Variants in ZNF385D observed in about 807,000 individuals in gnomAD.
The protein encoded by ZNF385D is zinc finger protein 659.
In ZNF385D, 15 loss-of-function variants were observed where a neutral mutation model predicts 35.8. The observed-to-expected ratio is 0.42, with a 90% confidence interval of 0.28 to 0.64. ZNF385D has a LOEUF of 0.64. ZNF385D is among the 30% of genes least tolerant of loss of function. The pLI, the probability that ZNF385D is intolerant of heterozygous loss-of-function variation, is 0.23. For synonymous variants in ZNF385D, 212 were observed against 186.8 expected (o/e 1.13, Z -1.10); for missense variants, 474 against 494.6 (o/e 0.96, Z 0.39).
At chr3:21,607,501 T>C (rs2064518489) in intron 2 of ZNF385D, among the ~76,000 whole-genome samples, 1 of 152,210 alleles carries the variant, frequency 6.6e-6, no homozygotes, top group Non-Finnish European at 1.5e-5. Context: ...ATCAAGTTTA[T>C]CCACAGAGAA....
intron 3 of ZNF385D, among the ~76,000 whole-genome samples, chr3:21,966,506 T>C (rs1180879613): frequency 6.6e-6 from 1 of 152,212 alleles, no homozygotes; most frequent in Non-Finnish European, 1.5e-5. Context: ...AATTGTTCAC[T>C]GTATTCATTT....
chr3:22,314,771 T>C (rs1176887301), intron 2 of ZNF385D, among the ~76,000 whole-genome samples: 2 of 152,156 alleles, frequency 1.3e-5, no homozygotes, highest in Non-Finnish European at 2.9e-5. Context: ...GTGGCTTTAA[T>C]TGCATTTTAT....
At chr3:22,102,466 TC>T in intron 3 of ZNF385D, among the ~76,000 whole-genome samples, 1 of 151,954 alleles carries the variant, frequency 6.6e-6, no homozygotes, top group Non-Finnish European at 1.5e-5. Flanking sequence ...ATTCCCTCCT[TC>T]CCGCAGTACT....
At chr3:21,851,642 T>G (rs1001724873) in intron 3 of ZNF385D, among the ~76,000 whole-genome samples, 3 of 152,046 alleles carry the variant, frequency 2.0e-5, no homozygotes, top group Non-Finnish European at 4.4e-5. Context: ...TATTTTCATG[T>G]GATTAATAAT....
intron 1 of ZNF385D, among the ~76,000 whole-genome samples, chr3:21,746,005 G>C (rs192768694): frequency 1.3e-5 from 2 of 152,158 alleles, no homozygotes; most frequent in Admixed American, 1.3e-4. Flanking sequence ...TGCTATGACT[G>C]AAGTACAATA....
intron 3 of ZNF385D, among the ~76,000 whole-genome samples, chr3:21,514,338 A>T (rs1707421625): frequency 6.6e-6 from 1 of 152,186 alleles, no homozygotes; most frequent in East Asian, 1.9e-4. Context: ...GTATTTTAAA[A>T]CTAAAGCAGA....
intron 3 of ZNF385D, among the ~76,000 whole-genome samples, chr3:22,127,672 G>A (rs981432181): frequency 3.3e-5 from 5 of 151,816 alleles, no homozygotes; most frequent in African/African-American, 1.2e-4. Context: ...ATTCCCATGA[G>A]GCTCACAAAT....
intron 3 of ZNF385D, among the ~76,000 whole-genome samples, chr3:22,162,022 T>C (rs17010924): frequency 0.1 from 15,477 of 152,156 alleles, 1,009 homozygotes; most frequent in East Asian, 0.25. Context: ...TGTAAGACTG[T>C]TGATTGGGAT....
chr3:21,424,470 T>C (rs1003084348), intron 6 of ZNF385D, among the ~76,000 whole-genome samples: 23 of 149,652 alleles, frequency 1.5e-4, no homozygotes, highest in African/African-American at 5.6e-4. Context: ...CCCACCACCA[T>C]GCCCAGCTAA....
chr3:22,339,273 C>A (rs766856166), intron 2 of ZNF385D, among the ~76,000 whole-genome samples: 2 of 152,090 alleles, frequency 1.3e-5, no homozygotes, highest in Admixed American at 6.5e-5. Flanking sequence ...TGAAGTTGCC[C>A]AAGTGCGTAA....
chr3:22,007,037 A>G (rs1484136966), intron 3 of ZNF385D, among the ~76,000 whole-genome samples: 1 of 152,136 alleles, frequency 6.6e-6, no homozygotes, highest in Non-Finnish European at 1.5e-5. Context: ...TAGACTCAAT[A>G]TCAGTTTTTC....
At chr3:22,108,838 C>A (rs1342862254) in intron 3 of ZNF385D, among the ~76,000 whole-genome samples, 2 of 152,010 alleles carry the variant, frequency 1.3e-5, no homozygotes, top group Non-Finnish European at 2.9e-5. Context: ...CATGGTGAAA[C>A]CCTGTCTCTA....
chr3:22,262,437 A>T (rs539126155), intron 2 of ZNF385D, among the ~76,000 whole-genome samples: 1 of 152,124 alleles, frequency 6.6e-6, no homozygotes, highest in East Asian at 1.9e-4. Flanking sequence ...TATTTTTTGC[A>T]TAATTTCATC....
intron 4 of ZNF385D, among the ~76,000 whole-genome samples, chr3:21,470,979 A>G (rs367626034): frequency 2.0e-4 from 30 of 152,084 alleles, no homozygotes; most frequent in African/African-American, 6.5e-4. Flanking sequence ...TCTATTTTCA[A>G]TACTTAAAGG....
At chr3:21,455,972 G>C (rs866309049) in intron 4 of ZNF385D, among the ~76,000 whole-genome samples, 1 of 152,054 alleles carries the variant, frequency 6.6e-6, no homozygotes, top group Admixed American at 6.5e-5. Context: ...GCAGCCAAAA[G>C]ACACATGAAA....
intron 4 of ZNF385D, among the ~76,000 whole-genome samples, chr3:21,456,269 A>G (rs955886796): frequency 6.6e-6 from 1 of 152,226 alleles, no homozygotes; most frequent in Non-Finnish European, 1.5e-5. Context: ...TCATGCTGCT[A>G]TAAAGACACA....
At chr3:21,663,915 A>ATATATATATATATATATT (rs1159950305) in intron 2 of ZNF385D, among the ~76,000 whole-genome samples, 224 of 105,798 alleles carry the variant, frequency 2.1e-3, no homozygotes, top group African/African-American at 4.8e-3. Context: ...ATATATATAT[A>ATATATATATATATATATT]TATTTATTTA....
chr3:21,489,345 T>C (rs915018405), intron 4 of ZNF385D, among the ~76,000 whole-genome samples: 3 of 152,028 alleles, frequency 2.0e-5, no homozygotes, highest in South Asian at 2.1e-4. Context: ...GAGCAAAAAA[T>C]AGGCACATTT....
intron 3 of ZNF385D, among the ~76,000 whole-genome samples, chr3:22,142,544 G>A (rs1449577689): frequency 2.6e-5 from 4 of 151,968 alleles, no homozygotes; most frequent in African/African-American, 2.4e-5. Flanking sequence ...ATTTTAATTT[G>A]TTTAACCTGT....
Sources: gnomAD v4.1 joint callset for allele counts (sites outside exome capture counted in the v4.1 genomes callset) on GRCh38, gnomAD v4.1.1 for gene constraint, MANE v1.5 for transcripts, NCBI Gene and HGNC (gene_info 2026-07-23, HGNC 2026-07-21) for gene names.